Variants in STARD13 observed in about 807,000 individuals in gnomAD.
The protein encoded by STARD13 is StAR related lipid transfer domain containing 13, also known as stAR-related lipid transfer protein 13.
In STARD13, 62 loss-of-function variants were observed where a neutral mutation model predicts 106.4. The ratio of observed to expected loss-of-function variants is 0.58; its 90% CI spans 0.48 to 0.72. The LOEUF is 0.72. Among genes scored for constraint, STARD13 ranks in the 30% least tolerant of loss-of-function variants. The pLI is 0.00. For synonymous variants in STARD13, 565 were observed against 553.0 expected, an observed-to-expected ratio of 1.02 and a Z score of -0.31; for missense variants, 1,387 against 1,424.0, an observed-to-expected ratio of 0.97 and a Z score of 0.42.
intron 1 of STARD13, among the ~76,000 whole-genome samples, chr13:33,171,929 G>C (rs1482013866): frequency 6.6e-6 from 1 of 152,204 alleles, no homozygotes; most frequent in Non-Finnish European, 1.5e-5. Flanking sequence ...GCTCTTGCTA[G>C]CACCTGGGGA....
the STARD13 span, among the ~76,000 whole-genome samples, chr13:33,430,227 A>G: frequency 6.7e-4 from 102 of 152,270 alleles, no homozygotes; most frequent in African/African-American, 2.3e-3. Flanking sequence ...TTAATTGTAC[A>G]TTTTAAAAAT....
At chr13:33,499,596 T>C in the STARD13 span, among the ~76,000 whole-genome samples, 1 of 57,274 alleles carries the variant, frequency 1.7e-5, no homozygotes, top group Admixed American at 2.0e-4. Context: ...TTCTTCTTCT[T>C]CTTCTTCTTT....
At chr13:33,291,457 G>A (rs917287252) in intron 1 of STARD13, among the ~76,000 whole-genome samples, 3 of 152,150 alleles carry the variant, frequency 2.0e-5, no homozygotes, top group African/African-American at 2.4e-5. Flanking sequence ...TCTAGACTTG[G>A]CCAAGCACAG....
chr13:33,156,251 C>A (rs1881969654), intron 3 of STARD13, among the ~76,000 whole-genome samples: 1 of 152,204 alleles, frequency 6.6e-6, no homozygotes, highest in African/African-American at 2.4e-5. Flanking sequence ...CTTCATTATA[C>A]CTATTCATCT....
chr13:33,112,633 A>G, intron 9 of STARD13, 88 bp downstream of exon 9: 5 of 1,063,912 alleles, frequency 4.7e-6, no homozygotes, highest in African/African-American at 1.6e-5. Flanking sequence ...ATTCGTATCT[A>G]TCTATCCATC....
Position 33,117,916 on chromosome 13 carries a change from A to G in STARD13, c.2281+149T>C, listed in dbSNP as rs1875628910. 5 of 1,408,414 alleles carry G rather than the reference A, an allele frequency of 3.6e-6. No homozygotes were observed. In the African/African-American group the frequency reaches 5.8e-5, roughly 16 times the overall value. The allele number at this position is 1,408,414 out of a possible 1,614,324, so 87.2% of individuals were successfully genotyped here. ...GGATTTCCATATCAAACTTTGAGCA[A>G]AAGTTACTTCCGTAGAGGAGAGCAG... On this transcript the variant is annotated intron_variant, in intron 8 of 13. Coordinates refer to ENST00000336934, the MANE Select transcript of STARD13 (RefSeq NM_178006.4).
chr13:33,464,781 G>A, the STARD13 span, among the ~76,000 whole-genome samples: 481 of 152,164 alleles, frequency 3.2e-3, 1 homozygote, highest in Non-Finnish European at 5.4e-3. Context: ...CTCGGAAGGC[G>A]GAGGTTGCAG....
the STARD13 span, among the ~76,000 whole-genome samples, chr13:33,387,824 C>A: frequency 6.6e-6 from 1 of 152,200 alleles, no homozygotes; most frequent in Non-Finnish European, 1.5e-5. Context: ...GACTGGGGTC[C>A]AGATGTCCTT....
chr13:33,511,019 G>T, the STARD13 span, among the ~76,000 whole-genome samples: 1 of 151,766 alleles, frequency 6.6e-6, no homozygotes, highest in Admixed American at 6.6e-5. Context: ...CTGTTTAAAA[G>T]CTGATGTTGG....
the STARD13 span, among the ~76,000 whole-genome samples, chr13:33,666,611 C>G: frequency 3.3e-5 from 5 of 151,074 alleles, no homozygotes; most frequent in Non-Finnish European, 7.4e-5. Context: ...TTTTTTAAGA[C>G]AGAGTCACGC....
At chr13:33,199,407 T>C (rs1886856898) in intron 1 of STARD13, among the ~76,000 whole-genome samples, 1 of 152,202 alleles carries the variant, frequency 6.6e-6, no homozygotes. Context: ...GCTGTGCATT[T>C]TGGAGGAGGA....
chr13:33,602,165 C>T, the STARD13 span, among the ~76,000 whole-genome samples: 4 of 150,424 alleles, frequency 2.7e-5, no homozygotes, highest in African/African-American at 9.9e-5. Flanking sequence ...GATCTCAGCT[C>T]GCTGCAACCT....
chr13:33,118,038 A>G, intron 8 of STARD13, 27 bp downstream of exon 8: 1 of 1,611,368 alleles, frequency 6.2e-7, no homozygotes, highest in South Asian at 1.1e-5. Context: ...TGCCCACGAG[A>G]ACACCAATCT....
In STARD13 at chr13:33,178,013, A is replaced by G. The variant is rs56269295; in HGVS notation, c.170-10391T>C. ...AGGAAGGAAGGAAGGAAGGAAGGAAAGGAAGGAAGGAAGGAAGGAAGGAAG... is the reference window on the plus strand; with the variant it reads ...AGGAAGGAAGGAAGGAAGGAAGGAAGGGAAGGAAGGAAGGAAGGAAGGAAG... On this transcript the variant is annotated intron_variant, in intron 1 of 13. Transcript: ENST00000336934. Among the ~76,000 whole-genome samples, 135 of 42,652 alleles carry G rather than the reference A, an allele frequency of 3.2e-3. 2 individuals are homozygous for G. Among genetic ancestry groups the G allele is most frequent in the African/African-American group, 0.012 (125 of 10,616 alleles). 28.0% of individuals were successfully genotyped at this position (42,652 alleles called of 152,430 possible).
the STARD13 span, among the ~76,000 whole-genome samples, chr13:33,568,823 T>C: frequency 6.7e-6 from 1 of 148,536 alleles, no homozygotes; most frequent in Non-Finnish European, 1.5e-5. Context: ...ATTTACTAAC[T>C]ATATGTGTAC....
the STARD13 span, among the ~76,000 whole-genome samples, chr13:33,396,316 A>T: frequency 2.6e-5 from 4 of 152,306 alleles, no homozygotes; most frequent in East Asian, 7.7e-4. Context: ...TCTCCTCAAG[A>T]CCAAAACATT....
chr13:33,205,202 T>A (rs769175938), intron 1 of STARD13, among the ~76,000 whole-genome samples: 12 of 152,222 alleles, frequency 7.9e-5, no homozygotes, highest in Non-Finnish European at 1.6e-4. Flanking sequence ...TAAACATAAA[T>A]AGCAGGATTG....
the STARD13 span, among the ~76,000 whole-genome samples, chr13:33,495,880 A>G: frequency 4.8e-5 from 7 of 145,184 alleles, no homozygotes; most frequent in Non-Finnish European, 1.1e-4. Flanking sequence ...TATAATGATT[A>G]CATATAATTA....
At chr13:33,226,435 CTTTTT>C (rs71196514) in intron 1 of STARD13, among the ~76,000 whole-genome samples, 1 of 130,250 alleles carries the variant, frequency 7.7e-6, no homozygotes, top group Non-Finnish European at 1.6e-5. Context: ...AAATTTAGTT[CTTTTT>C]TTTTTTTTTT....
Sources: allele counts gnomAD v4.1 joint callset (sites outside exome capture counted in the v4.1 genomes callset), GRCh38; gene constraint gnomAD v4.1.1; transcripts MANE v1.5; gene names NCBI Gene and HGNC (gene_info 2026-07-23, HGNC 2026-07-21).